The following PARP4 variants were observed in gnomAD, a reference collection of about 807,000 sequenced individuals.
PARP4 encodes poly(ADP-ribose) polymerase family member 4.
In PARP4, 120 loss-of-function variants were observed where a neutral mutation model predicts 187.7. The ratio of observed to expected loss-of-function variants is 0.64; its 90% CI spans 0.55 to 0.74. PARP4 has a LOEUF of 0.74. PARP4 is among the 30% of genes least tolerant of loss of function. PARP4 has a pLI of 0.00. For missense variants in PARP4, 1,836 were observed against 2,070.5 expected, an observed-to-expected ratio of 0.89 and a Z score of 2.20; for synonymous variants, 654 against 740.9, an observed-to-expected ratio of 0.88 and a Z score of 1.90.
chr13:24,441,082 A>G (rs963637060), intron 30 of PARP4, among the ~76,000 whole-genome samples: 1 of 152,100 alleles, frequency 6.6e-6, no homozygotes, highest in African/African-American at 2.4e-5. Context: ...CATGTTGCCC[A>G]GGCTGGTCTT....
In PARP4 at chr13:24,492,584, G is replaced by A. The variant is rs759627164; in HGVS notation, c.890C>T (p.Ala297Val). Residue 297 changes from alanine to valine, a missense_variant, in exon 9 of 34, where the codon GCA becomes GTA. This residue lies in a region of PARP4 where 1,147 missense variants were observed against 1,214.2 expected (regional missense o/e 0.94). Coordinates refer to ENST00000381989, the MANE Select transcript of PARP4 (RefSeq NM_006437.4). ...CTTTACTAGAAGGAGAATCCCCTCTGCCTTGCTCACCTTTCAACAGATCAT... is the reference window on the plus strand; with the variant it reads ...CTTTACTAGAAGGAGAATCCCCTCTACCTTGCTCACCTTTCAACAGATCAT... ...NRISLNDVSKAEGILLLVKAA... is the reference protein window; with the variant it reads ...NRISLNDVSKVEGILLLVKAA... 1.2e-6 allele frequency: 2 copies of A among 1,613,604 alleles called. No homozygotes were observed. Among genetic ancestry groups the A allele is most frequent in the East Asian group, 4.5e-5 (2 of 44,882 alleles).
rs543828679 is a variant in PARP4 at position 24,421,329 on chromosome 13, A to G, written c.4980-15T>C. The G allele has an allele frequency of 6.5e-5, 77 of 1,180,160 alleles. 1 individual carries two copies. In the African/African-American group the frequency reaches 1.2e-3, roughly 18 times the overall value. 73.1% of individuals were successfully genotyped at this position (1,180,160 alleles called of 1,614,324 possible). On this transcript the variant is annotated splice_polypyrimidine_tract_variant and intron_variant, in intron 33 of 33. Coordinates refer to ENST00000381989, the MANE Select transcript of PARP4 (RefSeq NM_006437.4). ...AGGGAATATTCCTAGATTAAAAAAA[A>G]AAGTTTCAGATTTCAGAATATAACA...
In PARP4 at chr13:24,434,534, C is replaced by T. The variant is rs768052116; in HGVS notation, c.4607G>A (p.Cys1536Tyr). The T allele has an allele frequency of 6.2e-7, 1 of 1,613,968 alleles. No individual in the cohort carries two copies. Among genetic ancestry groups the T allele is most frequent in the East Asian group, 2.2e-5 (1 of 44,882 alleles). The change falls in exon 31 of 34, where the codon TGC (cysteine) becomes TAC (tyrosine). Residue 1536 changes from cysteine (C) to tyrosine (Y), a missense_variant. Cys to Tyr is a radical substitution (Grantham distance 194). Around this residue, in one of 8 missense-constraint regions of PARP4, gnomAD observed 450 missense variants for 439.2 expected, o/e 1.02. Coordinates refer to ENST00000381989, the MANE Select transcript of PARP4 (RefSeq NM_006437.4). Reference sequence around the variant, plus strand: ...TGTATCACATTTTATTTGTAAAAAGCAGCTGTCTTGAAGTACTTCTGATAG... The same window carrying T: ...TGTATCACATTTTATTTGTAAAAAGTAGCTGTCTTGAAGTACTTCTGATAG... The part of the protein sequence containing the change: ...DELSEVLQDS[C>Y]FLQIKCDTKD...
chr13:24,490,066 G>C (rs1205440806), intron 10 of PARP4, among the ~76,000 whole-genome samples: 1 of 152,200 alleles, frequency 6.6e-6, no homozygotes, highest in African/African-American at 2.4e-5. Context: ...TCCCATGCTT[G>C]AGAACAAGCA....
intron 33 of PARP4, among the ~76,000 whole-genome samples, chr13:24,423,725 T>G (rs1004214619): frequency 6.6e-6 from 1 of 151,774 alleles, no homozygotes; most frequent in Non-Finnish European, 1.5e-5. Context: ...TTGCCCAGGC[T>G]GGAGTGCAGT....
intron 12 of PARP4, among the ~76,000 whole-genome samples, chr13:24,480,234 T>C (rs939948247): frequency 6.6e-6 from 1 of 152,138 alleles, no homozygotes; most frequent in Non-Finnish European, 1.5e-5. Context: ...CCATACAAGG[T>C]GGTGGGCTTG....
In PARP4 at chr13:24,499,311, G is replaced by T; in HGVS notation, c.467C>A (p.Thr156Asn). The change falls in exon 5 of 34, where the codon ACC (threonine) becomes AAC (asparagine). Residue 156 changes from threonine to asparagine, a missense_variant. Transcript: ENST00000381989. ...PQDFEVAKYN[T>N]LEKVGMEGGQ... ...AAATCAGATTCTTACTTTCTCCAAG[G>T]TGTTATATTTTGCAACTTCAAAATC... The T allele has an allele frequency of 1.3e-6, 2 of 1,566,032 alleles. No individual in the cohort carries two copies. The highest frequency in any genetic ancestry group is 1.7e-6 in the Non-Finnish European group (2 of 1,160,612).
chr13:24,506,412 G>C (rs1353679090), intron 1 of PARP4, among the ~76,000 whole-genome samples: 1 of 152,142 alleles, frequency 6.6e-6, no homozygotes, highest in Non-Finnish European at 1.5e-5. Context: ...CCAGCAGGTT[G>C]CCACTGCTAG....
intron 12 of PARP4, among the ~76,000 whole-genome samples, chr13:24,479,365 T>G (rs535289436): frequency 2.6e-5 from 4 of 152,238 alleles, no homozygotes; most frequent in African/African-American, 9.6e-5. Flanking sequence ...TAAACCCCAC[T>G]CTGGACTTCT....
intron 15 of PARP4, among the ~76,000 whole-genome samples, chr13:24,471,894 A>G (rs2137502421): frequency 6.6e-6 from 1 of 152,312 alleles, no homozygotes; most frequent in Non-Finnish European, 1.5e-5. Flanking sequence ...ATGGGCAGAT[A>G]TTATTATTTC....
chr13:24,453,888 G>C (rs1369931245), intron 22 of PARP4, among the ~76,000 whole-genome samples: 1 of 152,152 alleles, frequency 6.6e-6, no homozygotes. Flanking sequence ...GCCGAGGTGG[G>C]TGTATCACCT....
intron 10 of PARP4, among the ~76,000 whole-genome samples, chr13:24,486,934 A>C (rs113437681): frequency 0.11 from 16,495 of 150,942 alleles, 951 homozygotes; most frequent in African/African-American, 0.12. Context: ...TGCACTCCAG[A>C]CTGGGCGACA....
At chr13:24,459,782 T>C (rs1872104120) in intron 18 of PARP4, among the ~76,000 whole-genome samples, 190 bp downstream of exon 18, 1 of 152,208 alleles carries the variant, frequency 6.6e-6, no homozygotes, top group African/African-American at 2.4e-5. Flanking sequence ...TGCTTATTGA[T>C]CATATCTGTA....
chr13:24,448,341 G>C (rs76355378), intron 25 of PARP4, among the ~76,000 whole-genome samples: 1 of 152,236 alleles, frequency 6.6e-6, no homozygotes, highest in Admixed American at 6.5e-5. Flanking sequence ...TCAGAAAGTT[G>C]AGGCTGTGGT....
chr13:24,478,061 C>T lies in PARP4; in HGVS notation c.1632+32G>A, dbSNP rs192931167. Reference sequence around the variant, plus strand: ...AAGGCCTTTCTTTGAGCATTCAAGACCCTCTTTGCTTCTTCCTTGAAATAA... The same window carrying T: ...AAGGCCTTTCTTTGAGCATTCAAGATCCTCTTTGCTTCTTCCTTGAAATAA... On this transcript the variant is annotated intron_variant, in intron 13 of 33. Coordinates refer to ENST00000381989, the MANE Select transcript of PARP4 (RefSeq NM_006437.4). 445 of 1,531,872 alleles carry T rather than the reference C, an allele frequency of 2.9e-4. 1 individual carries two copies. The African/African-American group carries it at 5.8e-3, about 20-fold the overall frequency. The allele number at this position is 1,531,872 out of a possible 1,614,324, so 94.9% of individuals were successfully genotyped here. A position where few individuals can be genotyped will look rare whatever the true frequency, so the allele number is the denominator to read the frequency against.
chr13:24,501,820 G>T lies in PARP4; in HGVS notation c.147C>A (p.Ile49=). Residue 49 remains isoleucine, a synonymous_variant, in exon 3 of 34, where the codon ATC becomes ATA. Coordinates refer to ENST00000381989, the MANE Select transcript of PARP4 (RefSeq NM_006437.4). ...GACTCAGAACATCAGCATTATCTAA[G>T]ATTATATGTGTGCACTAAGGAAAAA... ...FSLNPQCTHI[I]LDNADVLSQY... is the part of the protein sequence containing the mutation. 6.2e-7 allele frequency: 1 copy of T among 1,605,938 alleles called. No individual in the cohort carries two copies. Among genetic ancestry groups the T allele is most frequent in the South Asian group, 1.1e-5 (1 of 90,832 alleles).
At position 24,459,072 on chromosome 13, in the gene PARP4, A is replaced by G; in HGVS notation, c.2396T>C (p.Phe799Ser). Residue 799 changes from phenylalanine to serine, a missense_variant, in exon 20 of 34, where the codon TTC becomes TCC. Coordinates refer to ENST00000381989, the MANE Select transcript of PARP4 (RefSeq NM_006437.4). ...TTGTTTCAGTTCATGTGTATCACTG[A>G]AAATGAATTCAATCACATACGGCAT... Reference protein sequence around the residue: ...IEMPYVIEFIFSDTHELKQKR... With the variant: ...IEMPYVIEFISSDTHELKQKR... 6.2e-7 allele frequency: 1 copy of G among 1,609,984 alleles called. No individual in the cohort carries two copies.
chr13:24,506,160 C>T (rs758404979), intron 1 of PARP4, among the ~76,000 whole-genome samples: 12 of 152,198 alleles, frequency 7.9e-5, no homozygotes, highest in Non-Finnish European at 1.3e-4. Flanking sequence ...CTTCCTTGGT[C>T]TCACTGACAT....
At chr13:24,484,321 G>A (rs775081680) in intron 12 of PARP4, among the ~76,000 whole-genome samples, 6 of 152,036 alleles carry the variant, frequency 3.9e-5, no homozygotes, top group South Asian at 2.1e-4. Flanking sequence ...TTCTATTAGC[G>A]CCACCATGCA....
Sources: allele counts gnomAD v4.1 joint callset (sites outside exome capture counted in the v4.1 genomes callset), GRCh38; gene constraint gnomAD v4.1.1; regional missense constraint gnomAD v4.1.1; transcripts MANE v1.5; gene names NCBI Gene and HGNC (gene_info 2026-07-23, HGNC 2026-07-21).